Variants in CDIP1 observed in about 807,000 individuals in gnomAD.
The protein encoded by CDIP1 is cell death-inducing p53-target protein 1.
In CDIP1, 9 loss-of-function variants were observed where a neutral mutation model predicts 17.7. That is an observed-to-expected ratio of 0.51 (90% confidence interval 0.31 to 0.89). The LOEUF (loss-of-function observed/expected upper bound fraction) is 0.89. Among genes scored for constraint, CDIP1 ranks in the 40% least tolerant of loss-of-function variants. The pLI is 0.05. For synonymous variants in CDIP1, 117 were observed against 109.5 expected (o/e 1.07, Z -0.43); for missense variants, 263 against 277.9 (o/e 0.95, Z 0.38).
In CDIP1 at chr16:4,513,102, G is replaced by T; in HGVS notation, c.242-38C>A. The T allele has an allele frequency of 2.0e-6, 3 of 1,536,306 alleles. No homozygotes were observed. The highest frequency in any genetic ancestry group is 2.6e-6 in the Non-Finnish European group (3 of 1,149,088). ...AGAAGATGGAGGCGAGAGGTCACTG[G>T]CCTGCCACCTGCACCAGACAAAGAG... On this transcript the variant is annotated intron_variant, in intron 4 of 5. Transcript: ENST00000567695. The surrounding 1 kb of genome is among the most constrained non-coding windows in gnomAD (Gnocchi z 4.1).
rs184626201 is a variant in CDIP1 at position 4,519,566 on chromosome 16, G to A, written c.-104-4902C>T. On this transcript the variant is annotated intron_variant, in intron 1 of 5. Coordinates refer to ENST00000567695, the MANE Select transcript of CDIP1 (RefSeq NM_013399.3). ...CACCATGGGATGACACAGCAAGAAG[G>A]CCCTTGCCAGATGCTGGCAGTGCCT... 3.0e-3 allele frequency among the ~76,000 whole-genome samples: 464 copies of A among 152,196 alleles called. 1 individual carries two copies. The highest frequency in any genetic ancestry group is 4.9e-3 in the Non-Finnish European group (331 of 67,990).
chr16:4,513,832 C>G lies in CDIP1; in HGVS notation c.105G>C (p.Val35=). The change falls in exon 4 of 6, where the codon GTG becomes GTC. Residue 35 remains valine, a synonymous_variant. Transcript: ENST00000567695. The surrounding 1 kb of genome is among the most constrained non-coding windows in gnomAD (Gnocchi z 4.1). ...PPTPGRSSPA[V]MQPPPGMPLP... ...GTGGCATGCCTGGAGGGGGCTGCAT[C>G]ACAGCTGGGGAGGAACGGCCTGGAC... The G allele has an allele frequency of 6.3e-7, 1 of 1,588,168 alleles. No homozygotes were observed. Among genetic ancestry groups the G allele is most frequent in the Non-Finnish European group, 8.6e-7 (1 of 1,167,352 alleles).
At chr16:4,526,484 G>T (rs369508924) in intron 1 of CDIP1, among the ~76,000 whole-genome samples, 2 of 152,164 alleles carry the variant, frequency 1.3e-5, no homozygotes, top group East Asian at 3.9e-4. Context: ...GCGGATCACA[G>T]ATCAGGAGAT....
intron 1 of CDIP1, among the ~76,000 whole-genome samples, chr16:4,529,502 G>A (rs959171770): frequency 8.5e-5 from 13 of 152,206 alleles, no homozygotes; most frequent in African/African-American, 2.9e-4. Flanking sequence ...AATGAAGGAA[G>A]CACAGACAGG....
chr16:4,518,521 GCCATGC>G (rs1052321092), intron 1 of CDIP1, among the ~76,000 whole-genome samples: 1 of 152,116 alleles, frequency 6.6e-6, no homozygotes, highest in Non-Finnish European at 1.5e-5. Flanking sequence ...CCCACCTAGG[GCCATGC>G]CTGCTACTCA....
intron 1 of CDIP1, among the ~76,000 whole-genome samples, chr16:4,529,026 A>G (rs969333711): frequency 6.6e-6 from 1 of 152,054 alleles, no homozygotes; most frequent in African/African-American, 2.4e-5. Context: ...ATACTCCTCA[A>G]TCCAGAAACA....
rs576701873 is a variant in CDIP1, at chr16:4,533,554, C to T, written c.-105+5148G>A. The T allele has an allele frequency of 2.6e-5, 4 of 152,448 alleles. No homozygotes were observed. In the East Asian group the frequency reaches 7.7e-4, roughly 29 times the overall value. The allele number at this position is 152,448 out of a possible 1,614,324, so 9.4% of individuals were successfully genotyped here. On this transcript the variant is annotated intron_variant, in intron 1 of 5. Transcript: ENST00000567695. ...GTCTCCTTAAACCATGACCAGTCAG[C>T]AAGTCCTACTAACTCCATGGTTCAA...
rs1469516351 is a variant in CDIP1, at chr16:4,512,422, A to T, written c.*150T>A. 1 of 640,420 alleles carries T rather than the reference A, an allele frequency of 1.6e-6. No individual in the cohort carries two copies. Among genetic ancestry groups the T allele is most frequent in the East Asian group, 2.7e-5 (1 of 36,390 alleles). 39.7% of individuals were successfully genotyped at this position (640,420 alleles called of 1,614,324 possible). On this transcript the variant is annotated 3_prime_UTR_variant, in exon 6 of 6. Transcript: ENST00000567695. This position sits in a 1 kb window ranked among gnomAD's most constrained non-coding sequence, Gnocchi z 4.6. ...TTTTTGCCAGAAGAGTCAGCGGCTC[A>T]GGTAGGGCAGGGTGAAGAGGACAGG...
At chr16:4,523,321 C>T (rs1332378800) in intron 1 of CDIP1, among the ~76,000 whole-genome samples, 2 of 152,154 alleles carry the variant, frequency 1.3e-5, no homozygotes, top group Non-Finnish European at 2.9e-5. Flanking sequence ...CGAGACCATC[C>T]TGGCCAACAC....
rs2058826656 is a variant in CDIP1, at chr16:4,511,370, C to T, written c.*1202G>A. 2 of 152,730 alleles carry T rather than the reference C, an allele frequency of 1.3e-5. No homozygotes were observed. The highest frequency in any genetic ancestry group is 1.3e-4 in the Admixed American group (2 of 15,284). 9.5% of individuals were successfully genotyped at this position (152,730 alleles called of 1,614,324 possible). A position where few individuals can be genotyped will look rare whatever the true frequency, so the allele number is the denominator to read the frequency against. On this transcript the variant is annotated 3_prime_UTR_variant, in exon 6 of 6. Transcript: ENST00000567695. ...TTTAATGAGAAACTACAAACTGAGA[C>T]TGGGCCACGATTCACAGTGACAGGA...
At chr16:4,535,935 G>A (rs1402237586) in intron 1 of CDIP1, among the ~76,000 whole-genome samples, 1 of 152,202 alleles carries the variant, frequency 6.6e-6, no homozygotes, top group East Asian at 1.9e-4. Flanking sequence ...TCCTAGAAAG[G>A]GGCACATTTC....
intron 1 of CDIP1, among the ~76,000 whole-genome samples, chr16:4,527,154 C>A (rs1021891966): frequency 6.6e-6 from 1 of 150,602 alleles, no homozygotes; most frequent in African/African-American, 2.5e-5. Context: ...GTGGCGGGAT[C>A]TTGGCTCACT....
intron 1 of CDIP1, among the ~76,000 whole-genome samples, chr16:4,522,781 A>G (rs1355444215): frequency 6.6e-6 from 1 of 152,224 alleles, no homozygotes; most frequent in Non-Finnish European, 1.5e-5. Context: ...AGCACCCTGC[A>G]GGGACAGGGC....
chr16:4,514,442 C>T lies in CDIP1; in HGVS notation c.-15+133G>A. ...AAGGAGCCTAACTCAGCACTTGCCCCACACGAGAGCAGTTTGGCACCGAGC... is the reference window on the plus strand; with the variant it reads ...AAGGAGCCTAACTCAGCACTTGCCCTACACGAGAGCAGTTTGGCACCGAGC... On this transcript the variant is annotated intron_variant, in intron 2 of 5. Transcript: ENST00000567695. The surrounding 1 kb of genome is among the most constrained non-coding windows in gnomAD (Gnocchi z 5.2). 1 of 361,890 alleles carries T rather than the reference C, an allele frequency of 2.8e-6. No individual in the cohort carries two copies. The highest frequency in any genetic ancestry group is 4.9e-6 in the Non-Finnish European group (1 of 202,610). 22.4% of individuals were successfully genotyped at this position (361,890 alleles called of 1,614,324 possible).
At chr16:4,535,245 G>A (rs1042088694) in intron 1 of CDIP1, among the ~76,000 whole-genome samples, 1 of 152,084 alleles carries the variant, frequency 6.6e-6, no homozygotes, top group Admixed American at 6.6e-5. Flanking sequence ...AAGACCCTCA[G>A]TGTTTACTGA....
At chr16:4,520,859 G>A (rs1001482815) in intron 1 of CDIP1, among the ~76,000 whole-genome samples, 11 of 152,116 alleles carry the variant, frequency 7.2e-5, no homozygotes, top group Admixed American at 3.9e-4. Context: ...GAATAACCAC[G>A]GTGTGTGCCA....
chr16:4,528,442 C>T (rs1483742662), intron 1 of CDIP1, among the ~76,000 whole-genome samples: 2 of 152,100 alleles, frequency 1.3e-5, no homozygotes, highest in Non-Finnish European at 2.9e-5. Flanking sequence ...TATGTAAGTA[C>T]ACATACAGAA....
intron 1 of CDIP1, among the ~76,000 whole-genome samples, chr16:4,521,725 CG>C (rs1352197550): frequency 1.4e-5 from 2 of 140,092 alleles, no homozygotes; most frequent in African/African-American, 2.7e-5. Context: ...AAAAAAAAGG[CG>C]GGGGGGCCCG....
chr16:4,525,071 G>T (rs2058986360), intron 1 of CDIP1, among the ~76,000 whole-genome samples: 1 of 152,152 alleles, frequency 6.6e-6, no homozygotes, highest in Non-Finnish European at 1.5e-5. Flanking sequence ...ATGCACTCTA[G>T]CCTGGGCAAC....
Sources: allele counts gnomAD v4.1 joint callset (sites outside exome capture counted in the v4.1 genomes callset), GRCh38; gene constraint gnomAD v4.1.1; non-coding constraint Gnocchi (gnomAD v3.1); transcripts MANE v1.5; gene names NCBI Gene and HGNC (gene_info 2026-07-23, HGNC 2026-07-21).